CASR: variants seen among roughly 807,000 people sequenced by gnomAD.
The protein encoded by CASR is calcium sensing receptor, also known as extracellular calcium-sensing receptor.
Under a neutral mutation model 69.1 loss-of-function variants are expected in CASR, and 23 were observed. That is an observed-to-expected ratio of 0.33 (90% CI 0.24 to 0.47). The LOEUF is 0.47. CASR is among the 20% of genes least tolerant of loss of function. The probability of loss-of-function intolerance (pLI) is 1.00; values close to 1 mark genes in which losing one functional copy is unlikely to be tolerated. For missense variants in CASR, 924 were observed against 1,356.1 expected, an observed-to-expected ratio of 0.68 and a Z score of 5.00; for synonymous variants, 541 against 544.7, an observed-to-expected ratio of 0.99 and a Z score of 0.10.
intron 1 of CASR, among the ~76,000 whole-genome samples, chr3:122,249,789 T>G (rs2074464450): frequency 6.6e-6 from 1 of 152,266 alleles, no homozygotes; most frequent in African/African-American, 2.4e-5. Flanking sequence ...AGTTTATTTG[T>G]GATTCTTTGC....
At chr3:122,234,402 C>T (rs559323146) in intron 1 of CASR, among the ~76,000 whole-genome samples, 63 of 152,262 alleles carry the variant, frequency 4.1e-4, no homozygotes, top group South Asian at 2.5e-3. Context: ...GTAACCAACA[C>T]GTGGGCACAG....
At chr3:122,200,524 GTATTA>G (rs2073937890) in intron 1 of CASR, among the ~76,000 whole-genome samples, 1 of 152,084 alleles carries the variant, frequency 6.6e-6, no homozygotes, top group African/African-American at 2.4e-5. Context: ...TTTAAAAAAT[GTATTA>G]TATTCGTGAG....
rs201702964 is a variant in CASR at position 122,284,189 on chromosome 3, C to G, written c.2235C>G (p.Thr745=). 3 of 1,613,774 alleles carry G rather than the reference C, an allele frequency of 1.9e-6. No individual in the cohort carries two copies. Among genetic ancestry groups the G allele is most frequent in the South Asian group, 1.1e-5 (1 of 91,084 alleles). The part of the protein sequence containing the change: ...QIVICVIWLY[T]APPSSYRNQE... ...TCATCTGTGTGATCTGGCTCTACAC[C>G]GCGCCCCCGTCAAGCTACCGCAACC... Residue 745 remains threonine (T), a synonymous_variant, in exon 7 of 7, where the codon ACC becomes ACG. Transcript: ENST00000639785.
At chr3:122,189,042 G>A (rs1364799962) in intron 1 of CASR, among the ~76,000 whole-genome samples, 2 of 152,210 alleles carry the variant, frequency 1.3e-5, no homozygotes, top group African/African-American at 4.8e-5. Flanking sequence ...TTTGGATTCA[G>A]TTGCTCAAAC....
At chr3:122,282,324 G>C in intron 6 of CASR, 88 bp downstream of exon 6, 2 of 1,323,202 alleles carry the variant, frequency 1.5e-6, no homozygotes, top group Non-Finnish European at 2.2e-6. Context: ...GCTGGGCTGA[G>C]ATGGTGCTTT....
chr3:122,273,987 T>G (rs1235810275), intron 4 of CASR, among the ~76,000 whole-genome samples: 2 of 152,198 alleles, frequency 1.3e-5, no homozygotes, highest in East Asian at 1.9e-4. Flanking sequence ...TCCTCTGCAC[T>G]GACGGCCTTA....
intron 1 of CASR, among the ~76,000 whole-genome samples, chr3:122,211,076 C>A (rs2074060514): frequency 6.6e-6 from 1 of 152,140 alleles, no homozygotes; most frequent in Non-Finnish European, 1.5e-5. Context: ...ACACCTTATA[C>A]AAAAATTAAC....
intron 2 of CASR, among the ~76,000 whole-genome samples, chr3:122,254,742 C>T (rs901089927): frequency 1.3e-5 from 2 of 152,124 alleles, no homozygotes; most frequent in Non-Finnish European, 2.9e-5. Context: ...CCCCATTGAC[C>T]TTACATGCTC....
intron 1 of CASR, among the ~76,000 whole-genome samples, chr3:122,228,397 G>T (rs988964353): frequency 1.3e-5 from 2 of 152,022 alleles, no homozygotes; most frequent in South Asian, 4.2e-4. Flanking sequence ...TAAAGATTAC[G>T]TTGTATTCTG....
At chr3:122,196,516 G>T (rs781770662) in intron 1 of CASR, among the ~76,000 whole-genome samples, 1 of 151,462 alleles carries the variant, frequency 6.6e-6, no homozygotes, top group Non-Finnish European at 1.5e-5. Context: ...GGTTTTTGGG[G>T]TTTTTTGTTT....
intron 4 of CASR, among the ~76,000 whole-genome samples, chr3:122,268,171 G>A (rs989640035): frequency 6.6e-6 from 1 of 152,174 alleles, no homozygotes; most frequent in Non-Finnish European, 1.5e-5. Context: ...CTGAGAAATA[G>A]AGATCATGAA....
intron 1 of CASR, among the ~76,000 whole-genome samples, chr3:122,196,400 G>A (rs923397362): frequency 2.0e-5 from 3 of 152,102 alleles, no homozygotes; most frequent in African/African-American, 4.8e-5. Flanking sequence ...GAAAAGCTGT[G>A]AGATGAAGTA....
At position 122,189,674 on chromosome 3, in the gene CASR, G is replaced by A. The variant is rs77867829; in HGVS notation, c.-243+5862G>A. 7.1e-3 allele frequency among the ~76,000 whole-genome samples: 1,083 copies of A among 152,246 alleles called. 10 individuals are homozygous for A. Among genetic ancestry groups the A allele is most frequent in the African/African-American group, 0.021 (855 of 41,530 alleles). Reference sequence around the variant, plus strand: ...AAAATTACTAACAAATAGAAAAATTGAGTAATTTGACTTCTTCCTCCCATA... The same window carrying A: ...AAAATTACTAACAAATAGAAAAATTAAGTAATTTGACTTCTTCCTCCCATA... On this transcript the variant is annotated intron_variant, in intron 1 of 6. Coordinates refer to ENST00000639785, the MANE Select transcript of CASR (RefSeq NM_000388.4).
At chr3:122,253,079 G>A (rs990567628) in intron 1 of CASR, among the ~76,000 whole-genome samples, 1 of 152,144 alleles carries the variant, frequency 6.6e-6, no homozygotes, top group Non-Finnish European at 1.5e-5. Context: ...TTTCGTATAA[G>A]AACTGTTCTT....
intron 5 of CASR, among the ~76,000 whole-genome samples, chr3:122,281,029 A>C (rs9827519): frequency 0.97 from 148,320 of 152,324 alleles, 72,367 homozygotes; most frequent in East Asian, 1. Context: ...AGAATGAATA[A>C]TCAATTAGCT....
At chr3:122,278,697 A>T (rs1198209075) in intron 5 of CASR, among the ~76,000 whole-genome samples, 1 of 152,200 alleles carries the variant, frequency 6.6e-6, no homozygotes, top group Non-Finnish European at 1.5e-5. Context: ...GCAGACCCAG[A>T]TGGAGACATT....
intron 1 of CASR, among the ~76,000 whole-genome samples, chr3:122,243,264 C>A (rs189207293): frequency 4.1e-4 from 62 of 152,222 alleles, no homozygotes; most frequent in African/African-American, 1.5e-3. Flanking sequence ...AAAATATTCG[C>A]AAACTAGCCA....
chr3:122,252,413 G>GAAAGAAAGAAAGAAAGAAAGAAAT (rs2074501498), intron 1 of CASR, among the ~76,000 whole-genome samples: 1 of 20,700 alleles, frequency 4.8e-5, no homozygotes, highest in Non-Finnish European at 1.0e-4. Flanking sequence ...GAAGGAAAAA[G>GAAAGAAAGAAAGAAAGAAAGAAAT]AAAGAAAGAA....
intron 1 of CASR, among the ~76,000 whole-genome samples, chr3:122,184,943 TG>T (rs1464767741): frequency 6.6e-6 from 1 of 152,186 alleles, no homozygotes; most frequent in Non-Finnish European, 1.5e-5. Context: ...GAGTCAGCTC[TG>T]GCCCCAGGGG....
Sources: allele counts gnomAD v4.1 joint callset (sites outside exome capture counted in the v4.1 genomes callset), GRCh38; gene constraint gnomAD v4.1.1; transcripts MANE v1.5; gene names NCBI Gene and HGNC (gene_info 2026-07-23, HGNC 2026-07-21).